Variants in HMCN2 observed in about 807,000 individuals in gnomAD.
The protein encoded by HMCN2 is hemicentin-2.
In HMCN2, 325 loss-of-function variants were observed where a neutral mutation model predicts 377.5. The observed-to-expected ratio is 0.86, with a 90% CI of 0.79 to 0.94. The LOEUF (loss-of-function observed/expected upper bound fraction) is 0.94, where lower values mean the gene tolerates loss of function less well. Ranked by LOEUF, HMCN2 falls within the 40% of genes least tolerant of loss-of-function variation. The pLI is 0.00. For synonymous variants in HMCN2, 2,007 were observed against 2,046.8 expected, an observed-to-expected ratio of 0.98 and a Z score of 0.53; for missense variants, 4,543 against 4,725.3, an observed-to-expected ratio of 0.96 and a Z score of 1.13.
intron 22 of HMCN2, among the ~76,000 whole-genome samples, chr9:130,328,838 G>A (rs957266760): frequency 2.0e-5 from 3 of 152,158 alleles, no homozygotes; most frequent in Non-Finnish European, 4.4e-5. Context: ...CAGTGCTTAG[G>A]AAGTCAGATG....
At chr9:130,384,239 T>C in intron 57 of HMCN2, 134 bp from the exon 58 acceptor site, 5 of 646,172 alleles carry the variant, frequency 7.7e-6, no homozygotes, top group Non-Finnish European at 9.0e-6. Context: ...CAAATGGAGG[T>C]TTCTGAATTA....
rs117518251 is a variant in HMCN2 at position 130,308,439 on chromosome 9, C to T, written c.2200+873C>T. 2.8e-4 allele frequency among the ~76,000 whole-genome samples: 43 copies of T among 152,296 alleles called. No individual in the cohort carries two copies. The East Asian group carries it at 3.3e-3, about 12-fold the overall frequency. On this transcript the variant is annotated intron_variant, in intron 14 of 97. Transcript: ENST00000683500. The surrounding 1 kb of genome is among the most constrained non-coding windows in gnomAD (Gnocchi z 4.1). ...TGCTGCCAGGCTGGAGTTTGACGGA[C>T]GGGTGCTGGGGTCGCACTAGGTCTT...
intron 7 of HMCN2, among the ~76,000 whole-genome samples, chr9:130,298,421 G>A (rs1031921405): frequency 6.6e-6 from 1 of 152,212 alleles, no homozygotes; most frequent in African/African-American, 2.4e-5. Flanking sequence ...CTACTCGGGA[G>A]GCTGAGGTGG....
chr9:130,365,690 C>T lies in HMCN2; in HGVS notation c.6468C>T (p.Ala2156=), dbSNP rs1021605885. ...ACACCTGTGAGGCACTGAACCAGGC[C>T]GGCCACTCAGAGAAACACTACAATC... The part of the protein sequence containing the change: ...GHYTCEALNQ[A]GHSEKHYNLN... Residue 2156 remains alanine (A), a synonymous_variant, in exon 42 of 98, where the codon GCC becomes GCT. Transcript: ENST00000683500. The T allele has an allele frequency of 4.6e-5, 45 of 985,806 alleles. No homozygotes were observed. The highest frequency in any genetic ancestry group is 5.2e-5 in the African/African-American group (3 of 57,212). The allele number at this position is 985,806 out of a possible 1,614,324, so 61.1% of individuals were successfully genotyped here. A position where few individuals can be genotyped will look rare whatever the true frequency, so the allele number is the denominator to read the frequency against.
At position 130,424,997 on chromosome 9, in the gene HMCN2, G is replaced by C. The variant is rs1272327782; in HGVS notation, c.13520-12G>C. On this transcript the variant is annotated splice_polypyrimidine_tract_variant and intron_variant, in intron 88 of 97. Transcript: ENST00000683500. ...CCGTGGTGACTCTGGGCTGGGTGGG[G>C]ATGGTTTGCAGGGGAGCTGCTCACG... 1 of 1,538,720 alleles carries C rather than the reference G, an allele frequency of 6.5e-7. No individual in the cohort carries two copies. The highest frequency in any genetic ancestry group is 2.0e-5 in the Admixed American group (1 of 50,162).
intron 22 of HMCN2, among the ~76,000 whole-genome samples, chr9:130,333,283 G>T: frequency 6.6e-6 from 1 of 152,314 alleles, no homozygotes; most frequent in East Asian, 1.9e-4. Context: ...GGGAGGCAGG[G>T]TATTGCCTGG....
chr9:130,277,484 TCTACTGCTTC>T (rs1327455654), intron 1 of HMCN2, among the ~76,000 whole-genome samples: 4 of 152,230 alleles, frequency 2.6e-5, no homozygotes, highest in African/African-American at 9.6e-5. Context: ...GACTCTCATT[TCTACTGCTTC>T]CTGGTTGTAA....
intron 4 of HMCN2, among the ~76,000 whole-genome samples, chr9:130,289,893 C>G (rs1554929391): frequency 6.6e-6 from 1 of 152,222 alleles, no homozygotes; most frequent in African/African-American, 2.4e-5. Context: ...GTGTTCTCAT[C>G]TGTGCCTCGG....
At chr9:130,280,156 T>G (rs1397274153) in intron 1 of HMCN2, among the ~76,000 whole-genome samples, 5 of 151,184 alleles carry the variant, frequency 3.3e-5, no homozygotes, top group Admixed American at 6.6e-5. Context: ...GTGTGTTTTT[T>G]TTTTTTTTTT....
chr9:130,343,391 A>G (rs1472007310), intron 25 of HMCN2, among the ~76,000 whole-genome samples: 1 of 152,146 alleles, frequency 6.6e-6, no homozygotes, highest in Non-Finnish European at 1.5e-5. Flanking sequence ...ACGCCCTGGA[A>G]GGCCCCAGAA....
At position 130,348,660 on chromosome 9, in the gene HMCN2, G is replaced by A; in HGVS notation, c.4140G>A (p.Leu1380=). 1 of 1,296,936 alleles carries A rather than the reference G, an allele frequency of 7.7e-7. No individual in the cohort carries two copies. The highest frequency in any genetic ancestry group is 1.0e-6 in the Non-Finnish European group (1 of 986,222). The allele number at this position is 1,296,936 out of a possible 1,614,324, so 80.3% of individuals were successfully genotyped here. A position where few individuals can be genotyped will look rare whatever the true frequency, so the allele number is the denominator to read the frequency against. Residue 1380 remains leucine (L), a synonymous_variant, in exon 27 of 98, where the codon CTG becomes CTA. Coordinates refer to ENST00000683500, the MANE Select transcript of HMCN2 (RefSeq NM_001291815.2). ...NGFPVPEIVW[L]KDAQLIPKVG... ...TTCCAGTCCCTGAGATCGTGTGGCTGAAGGACGCGCAGCTGGTGGGTGTCC... is the reference window on the plus strand; with the variant it reads ...TTCCAGTCCCTGAGATCGTGTGGCTAAAGGACGCGCAGCTGGTGGGTGTCC...
intron 19 of HMCN2, among the ~76,000 whole-genome samples, chr9:130,323,175 C>T (rs1344293241): frequency 6.6e-6 from 1 of 152,224 alleles, no homozygotes; most frequent in Admixed American, 6.5e-5. Flanking sequence ...TGAACAGGCT[C>T]AGTCTCTCTT....
In HMCN2 at chr9:130,422,726, G is replaced by A. The variant is rs1844089750; in HGVS notation, c.13381G>A (p.Gly4461Arg). Reference protein sequence around the residue: ...SSIRHVPANVGPLMRVLVVTI... With the variant: ...SSIRHVPANVRPLMRVLVVTI... ...CATCCGCCATGTCCCAGCAAACGTG[G>A]GTGAGTGGAAGGCAGAGCATCACCT... Residue 4461 changes from glycine (G) to arginine (R), a missense_variant and splice_region_variant, in exon 87 of 98, where the codon GGG becomes AGG. Coordinates refer to ENST00000683500, the MANE Select transcript of HMCN2 (RefSeq NM_001291815.2). This position sits in a 1 kb window ranked among gnomAD's most constrained non-coding sequence, Gnocchi z 4.2. 1.6e-6 allele frequency: 2 copies of A among 1,279,486 alleles called. No individual in the cohort carries two copies. Among genetic ancestry groups the A allele is most frequent in the Non-Finnish European group, 2.0e-6 (2 of 1,004,646 alleles). The allele number at this position is 1,279,486 out of a possible 1,614,324, so 79.3% of individuals were successfully genotyped here.
intron 4 of HMCN2, among the ~76,000 whole-genome samples, chr9:130,292,977 T>TCTAC (rs1554930539): frequency 1.2e-4 from 17 of 141,830 alleles, no homozygotes; most frequent in Non-Finnish European, 2.4e-4. Flanking sequence ...TATCTATCTA[T>TCTAC]CTATCTATCT....
At chr9:130,411,965 A>G (rs770570241) in intron 85 of HMCN2, among the ~76,000 whole-genome samples, 2 of 152,050 alleles carry the variant, frequency 1.3e-5, no homozygotes, top group Non-Finnish European at 2.9e-5. Flanking sequence ...TTTTTTTACA[A>G]CTATTATTGT....
intron 1 of HMCN2, among the ~76,000 whole-genome samples, chr9:130,269,675 T>C (rs1476590603): frequency 2.0e-5 from 3 of 148,996 alleles, no homozygotes; most frequent in African/African-American, 7.3e-5. Flanking sequence ...TCACTAGATA[T>C]TTTTGGTATG....
chr9:130,282,413 T>C (rs1564744673), intron 1 of HMCN2, among the ~76,000 whole-genome samples: 1 of 152,178 alleles, frequency 6.6e-6, no homozygotes, highest in Non-Finnish European at 1.5e-5. Context: ...AGAGTCCCCA[T>C]AGCCCAAAAA....
At position 130,398,649 on chromosome 9, in the gene HMCN2, G is replaced by A; in HGVS notation, c.11425G>A (p.Val3809Met). ...CEASGSPKPL[V>M]VWWKDGQKLD... ...GGCCAGCGGCTCCCCTAAGCCCCTGGTGGTCTGGTGGAAGGACGGACAGAA... is the reference window on the plus strand; with the variant it reads ...GGCCAGCGGCTCCCCTAAGCCCCTGATGGTCTGGTGGAAGGACGGACAGAA... Residue 3809 changes from valine (V) to methionine (M), a missense_variant, in exon 75 of 98, where the codon GTG becomes ATG. Transcript: ENST00000683500. The A allele has an allele frequency of 2.3e-6, 3 of 1,289,616 alleles. No individual in the cohort carries two copies. The South Asian group carries it at 3.7e-5, about 16-fold the overall frequency. 79.9% of individuals were successfully genotyped at this position (1,289,616 alleles called of 1,614,324 possible).
chr9:130,335,262 A>G (rs1838684062), intron 22 of HMCN2, among the ~76,000 whole-genome samples: 1 of 152,060 alleles, frequency 6.6e-6, no homozygotes, highest in East Asian at 1.9e-4. Flanking sequence ...CTGGAGTGTG[A>G]TTGAGTGTAT....
Sources: gnomAD v4.1 joint callset for allele counts (sites outside exome capture counted in the v4.1 genomes callset) on GRCh38, gnomAD v4.1.1 for gene constraint, Gnocchi (gnomAD v3.1) non-coding constraint, MANE v1.5 for transcripts, NCBI Gene and HGNC (gene_info 2026-07-23, HGNC 2026-07-21) for gene names.